NFX1: variants seen among roughly 807,000 people sequenced by gnomAD.
NFX1 encodes the protein nuclear transcription factor, X-box binding 1.
A neutral mutation model predicts 137.2 loss-of-function variants in NFX1; 69 were observed. The observed-to-expected ratio is 0.50, with a 90% CI of 0.41 to 0.61. NFX1 has a LOEUF of 0.61. Ranked by LOEUF, NFX1 falls within the 20% of genes least tolerant of loss-of-function variation. The pLI is 0.00. For missense variants in NFX1, 1,167 were observed against 1,391.0 expected, an observed-to-expected ratio of 0.84 and a Z score of 2.56; for synonymous variants, 495 against 474.1, an observed-to-expected ratio of 1.04 and a Z score of -0.57.
chr9:33,345,989 C>T (rs2118601627), intron 14 of NFX1, among the ~76,000 whole-genome samples: 1 of 152,310 alleles, frequency 6.6e-6, no homozygotes, highest in African/African-American at 2.4e-5. Flanking sequence ...ATTTGATACC[C>T]ACAGTTAGTC....
chr9:33,312,524 C>T (rs1821997788), intron 6 of NFX1, among the ~76,000 whole-genome samples: 2 of 152,250 alleles, frequency 1.3e-5, no homozygotes, highest in Admixed American at 1.3e-4. Context: ...GGAGAGTAGA[C>T]TCCAAGTGCT....
intron 3 of NFX1, 123 bp downstream of exon 3, chr9:33,301,544 G>A: frequency 1.0e-6 from 1 of 997,704 alleles, no homozygotes. Context: ...GGGAGAGTAT[G>A]TTACCTTGAT....
Position 33,301,387 on chromosome 9 carries a change from A to G in NFX1, c.1158A>G (p.Ile386Met), listed in dbSNP as rs754893922. 6.2e-7 allele frequency: 1 copy of G among 1,614,138 alleles called. No individual in the cohort carries two copies. Among genetic ancestry groups the G allele is most frequent in the Non-Finnish European group, 8.5e-7 (1 of 1,180,012 alleles). Residue 386 changes from isoleucine to methionine, a missense_variant, in exon 3 of 24, where the codon ATA (isoleucine) becomes ATG (methionine). This residue lies in a region of NFX1 where 488 missense variants were observed against 691.5 expected (regional missense o/e 0.71). Transcript: ENST00000379540. Reference sequence around the variant, plus strand: ...ACCATGTGTTTCATTTGAACTGCATAAAGAAATGGGCAAGGTCTCCAGCAT... The same window carrying G: ...ACCATGTGTTTCATTTGAACTGCATGAAGAAATGGGCAAGGTCTCCAGCAT... ...SCYHVFHLNC[I>M]KKWARSPASQ... is the part of the protein sequence containing the mutation.
rs1325479428 is a variant in NFX1, at chr9:33,356,886, G to A, written c.2873+1994G>A. 2.0e-5 allele frequency among the ~76,000 whole-genome samples: 3 copies of A among 151,828 alleles called. No individual in the cohort carries two copies. In the East Asian group the frequency reaches 5.8e-4, roughly 29 times the overall value. On this transcript the variant is annotated intron_variant, in intron 19 of 23. Coordinates refer to ENST00000379540, the MANE Select transcript of NFX1 (RefSeq NM_002504.6). ...CACACCTGTAGTCCCAGCTACTTGG[G>A]AGGCTTGAGGTGGGAAGATTGCTTG...
intron 1 of NFX1, 123 bp downstream of exon 1, chr9:33,290,720 T>A: frequency 1.0e-6 from 1 of 973,932 alleles, no homozygotes; most frequent in Non-Finnish European, 1.5e-6. Context: ...CGTAGGATAG[T>A]GGCTCGGAAG....
At chr9:33,353,762 C>T (rs1048531370) in intron 17 of NFX1, among the ~76,000 whole-genome samples, 2 of 145,730 alleles carry the variant, frequency 1.4e-5, no homozygotes, top group African/African-American at 5.1e-5. Context: ...AATCTCGGCT[C>T]ACTGCAACCT....
At chr9:33,342,457 A>G (rs2118576089) in intron 12 of NFX1, among the ~76,000 whole-genome samples, 2 of 152,326 alleles carry the variant, frequency 1.3e-5, no homozygotes, top group African/African-American at 4.8e-5. Flanking sequence ...GCGAGACTCC[A>G]TCTCAAAAAA....
chr9:33,329,220 T>A (rs981013872), intron 10 of NFX1, among the ~76,000 whole-genome samples: 3 of 152,200 alleles, frequency 2.0e-5, no homozygotes, highest in African/African-American at 7.2e-5. Context: ...AGTATTACTC[T>A]CTCCGCTTCA....
chr9:33,349,474 C>A (rs1196193922), intron 15 of NFX1, among the ~76,000 whole-genome samples: 1 of 152,118 alleles, frequency 6.6e-6, no homozygotes. Context: ...CTACATTCTA[C>A]TAAAATATGG....
Position 33,319,073 on chromosome 9 carries a change from C to T in NFX1, c.1852C>T (p.Pro618Ser). The change falls in exon 9 of 24, where the codon CCT becomes TCT. Residue 618 changes from proline to serine, a missense_variant. Physicochemically the swap from Pro to Ser is moderately conservative, Grantham distance 74 (BLOSUM62 -1). This residue lies in a region of NFX1 where 488 missense variants were observed against 691.5 expected (regional missense o/e 0.71). Coordinates refer to ENST00000379540, the MANE Select transcript of NFX1 (RefSeq NM_002504.6). Reference protein sequence around the residue: ...GSSSRKTCMDPVPSCGKVCGK... With the variant: ...GSSSRKTCMDSVPSCGKVCGK... ...TAGTAGTCGGAAAACATGCATGGACCCTGTGCCTTCATGTGGAAAAGTGTG... is the reference window on the plus strand; with the variant it reads ...TAGTAGTCGGAAAACATGCATGGACTCTGTGCCTTCATGTGGAAAAGTGTG... The T allele has an allele frequency of 1.2e-6, 2 of 1,614,168 alleles. No homozygotes were observed. The highest frequency in any genetic ancestry group is 2.2e-5 in the South Asian group (2 of 91,082).
At chr9:33,339,473 C>T (rs552805994) in intron 12 of NFX1, among the ~76,000 whole-genome samples, 2 of 152,318 alleles carry the variant, frequency 1.3e-5, no homozygotes, top group Non-Finnish European at 2.9e-5. Context: ...GTCCCTCCCA[C>T]AACATGTGGG....
rs776504483 is a variant in NFX1 at position 33,303,291 on chromosome 9, G to A, written c.1270+23G>A. The A allele has an allele frequency of 4.4e-6, 7 of 1,598,246 alleles. No individual in the cohort carries two copies. The South Asian group carries it at 6.6e-5, about 15-fold the overall frequency. On this transcript the variant is annotated intron_variant, in intron 4 of 23. Transcript: ENST00000379540. ...GTGGTAAGTTTGTTTATATACACTG[G>A]AGTCTCTTTTACTACATACATTGTA...
intron 1 of NFX1, among the ~76,000 whole-genome samples, chr9:33,291,427 G>T (rs1821157102): frequency 6.6e-6 from 1 of 152,162 alleles, no homozygotes. Flanking sequence ...ACAGCCCACT[G>T]CCTTCATTTG....
chr9:33,308,676 A>G (rs1040230431), intron 5 of NFX1, among the ~76,000 whole-genome samples: 3 of 152,214 alleles, frequency 2.0e-5, no homozygotes, highest in African/African-American at 7.2e-5. Context: ...TAATAATAAC[A>G]CTTATAGGGT....
intron 3 of NFX1, 111 bp downstream of exon 3, chr9:33,301,532 C>T (rs1488665010): frequency 1.7e-6 from 2 of 1,176,094 alleles, no homozygotes; most frequent in East Asian, 2.5e-5. Context: ...ACTTTTTCTG[C>T]AGGGAGAGTA....
intron 14 of NFX1, among the ~76,000 whole-genome samples, chr9:33,345,133 G>A (rs1293438418): frequency 6.6e-6 from 1 of 151,320 alleles, no homozygotes; most frequent in East Asian, 2.0e-4. Context: ...CTGCACTTCA[G>A]CCTGGGCAAC....
intron 12 of NFX1, among the ~76,000 whole-genome samples, chr9:33,339,638 A>G (rs753162476): frequency 6.6e-6 from 1 of 152,220 alleles, no homozygotes; most frequent in Non-Finnish European, 1.5e-5. Context: ...GCAAAAGTCT[A>G]CAGTCCAAAG....
chr9:33,324,745 G>A (rs1161052397), intron 9 of NFX1, among the ~76,000 whole-genome samples: 11 of 151,762 alleles, frequency 7.2e-5, no homozygotes, highest in Admixed American at 7.2e-4. Flanking sequence ...GGCTAACATG[G>A]TGAAACCCCG....
At chr9:33,295,668 A>G (rs1448968363) in intron 2 of NFX1, among the ~76,000 whole-genome samples, 1 of 152,154 alleles carries the variant, frequency 6.6e-6, no homozygotes, top group Non-Finnish European at 1.5e-5. Flanking sequence ...TTCTTTTCCA[A>G]ATGAGGAATT....
Sources: allele counts gnomAD v4.1 joint callset (sites outside exome capture counted in the v4.1 genomes callset), GRCh38; gene constraint gnomAD v4.1.1; regional missense constraint gnomAD v4.1.1; transcripts MANE v1.5; gene names NCBI Gene and HGNC (gene_info 2026-07-23, HGNC 2026-07-21).